The following CSMD1 variants were observed in gnomAD, a reference collection of about 807,000 sequenced individuals.
The protein encoded by CSMD1 is CUB and sushi domain-containing protein 1.
Under a neutral mutation model 417.5 loss-of-function variants are expected in CSMD1, and 213 were observed. The ratio of observed to expected loss-of-function variants is 0.51; its 90% confidence interval spans 0.46 to 0.57. The LOEUF (loss-of-function observed/expected upper bound fraction) is 0.57. CSMD1 is among the 20% of genes least tolerant of loss of function. The pLI is 0.00. For missense variants in CSMD1, 6,923 were observed against 4,529.7 expected (o/e 1.53, Z -15.17); for synonymous variants, 2,862 against 1,736.8 (o/e 1.65, Z -16.11).
At chr8:4,049,162 T>G (rs1475380107) in intron 3 of CSMD1, among the ~76,000 whole-genome samples, 2 of 152,148 alleles carry the variant, frequency 1.3e-5, no homozygotes, top group Non-Finnish European at 2.9e-5. Context: ...GAACTTTAAT[T>G]GTAACATCAA....
At chr8:3,897,020 G>A (rs901792619) in intron 5 of CSMD1, among the ~76,000 whole-genome samples, 7 of 151,320 alleles carry the variant, frequency 4.6e-5, no homozygotes, top group African/African-American at 1.5e-4. Flanking sequence ...CAACTTACTT[G>A]CTCCCTGGAT....
At chr8:3,619,669 C>T (rs935384114) in intron 7 of CSMD1, among the ~76,000 whole-genome samples, 1 of 151,550 alleles carries the variant, frequency 6.6e-6, no homozygotes, top group Admixed American at 6.6e-5. Context: ...CTGTTAGGAG[C>T]CAAAGAAAAA....
chr8:2,958,393 A>G (rs1252450554), intron 62 of CSMD1, among the ~76,000 whole-genome samples: 1 of 152,230 alleles, frequency 6.6e-6, no homozygotes, highest in Non-Finnish European at 1.5e-5. Context: ...TGATCCTCCA[A>G]GAATGAATCA....
chr8:4,151,791 T>C (rs1448864574), intron 3 of CSMD1, among the ~76,000 whole-genome samples: 1 of 152,296 alleles, frequency 6.6e-6, no homozygotes, highest in Non-Finnish European at 1.5e-5. Flanking sequence ...AATGCTTATT[T>C]TATATGAAAA....
intron 1 of CSMD1, among the ~76,000 whole-genome samples, chr8:4,801,734 T>C (rs1047472637): frequency 1.3e-5 from 2 of 150,632 alleles, no homozygotes; most frequent in African/African-American, 2.4e-5. Flanking sequence ...ACATTAATAA[T>C]AGGAAAAACA....
At chr8:2,944,862 A>G (rs1417435204) in intron 68 of CSMD1, among the ~76,000 whole-genome samples, 1 of 152,148 alleles carries the variant, frequency 6.6e-6, no homozygotes, top group African/African-American at 2.4e-5. Flanking sequence ...TTTAATCTGA[A>G]AACAAAGCTA....
chr8:4,249,732 C>G (rs1250698116), intron 3 of CSMD1, among the ~76,000 whole-genome samples: 2 of 152,094 alleles, frequency 1.3e-5, no homozygotes, highest in African/African-American at 4.8e-5. Context: ...AGAAGTAGCT[C>G]AGTACTGGAG....
At chr8:3,752,205 C>CGGCCT (rs1797376841) in intron 6 of CSMD1, among the ~76,000 whole-genome samples, 1 of 152,030 alleles carries the variant, frequency 6.6e-6, no homozygotes, top group African/African-American at 2.4e-5. Context: ...AAAGGAGGAT[C>CGGCCT]GGCCTGGCCT....
chr8:3,096,463 T>C (rs1815304477), intron 47 of CSMD1, among the ~76,000 whole-genome samples: 1 of 152,162 alleles, frequency 6.6e-6, no homozygotes, highest in South Asian at 2.1e-4. Flanking sequence ...GTGCACCCAC[T>C]CTTTCTCTCT....
At chr8:4,723,693 G>A (rs1189251419) in intron 1 of CSMD1, among the ~76,000 whole-genome samples, 1 of 149,092 alleles carries the variant, frequency 6.7e-6, no homozygotes, top group Non-Finnish European at 1.5e-5. Context: ...TTGAATTTCT[G>A]ATGAAAATGT....
chr8:3,056,131 T>C (rs1812203456), intron 49 of CSMD1, among the ~76,000 whole-genome samples: 1 of 152,234 alleles, frequency 6.6e-6, no homozygotes, highest in Non-Finnish European at 1.5e-5. Context: ...TAACTCTCTG[T>C]TATCTACTTA....
At chr8:3,656,310 G>T (rs1245023243) in intron 7 of CSMD1, among the ~76,000 whole-genome samples, 1 of 152,284 alleles carries the variant, frequency 6.6e-6, no homozygotes, top group South Asian at 2.1e-4. Context: ...CAGAAGCTTA[G>T]GGCGAAAGGT....
At chr8:3,446,336 C>A (rs1265037680) in intron 12 of CSMD1, among the ~76,000 whole-genome samples, 1 of 152,216 alleles carries the variant, frequency 6.6e-6, no homozygotes, top group Non-Finnish European at 1.5e-5. Flanking sequence ...AGGCAAGTCA[C>A]AAATTTACAT....
chr8:3,863,613 G>T, intron 5 of CSMD1, among the ~76,000 whole-genome samples: 1 of 152,166 alleles, frequency 6.6e-6, no homozygotes, highest in South Asian at 2.1e-4. Flanking sequence ...GCAGTAGGAT[G>T]TATGTTTTGT....
chr8:4,728,406 G>C (rs920732543), intron 1 of CSMD1, among the ~76,000 whole-genome samples: 4 of 151,990 alleles, frequency 2.6e-5, no homozygotes, highest in African/African-American at 9.7e-5. Flanking sequence ...TTAGTTTGGA[G>C]ACTATAAATT....
chr8:3,357,004 G>C (rs1264686622), intron 21 of CSMD1, among the ~76,000 whole-genome samples: 1 of 152,126 alleles, frequency 6.6e-6, no homozygotes, highest in Non-Finnish European at 1.5e-5. Flanking sequence ...TGGGGAGCCA[G>C]GGAAAGCATC....
At chr8:4,299,914 C>G (rs1315636535) in intron 3 of CSMD1, among the ~76,000 whole-genome samples, 1 of 152,150 alleles carries the variant, frequency 6.6e-6, no homozygotes, top group African/African-American at 2.4e-5. Flanking sequence ...CAGGTATAAG[C>G]CACTGCGCCC....
chr8:4,029,434 G>A (rs142766214), intron 4 of CSMD1, among the ~76,000 whole-genome samples: 2 of 152,116 alleles, frequency 1.3e-5, no homozygotes, highest in East Asian at 1.9e-4. Context: ...CGTCTTATAT[G>A]GATAGCAGCA....
intron 3 of CSMD1, among the ~76,000 whole-genome samples, chr8:4,259,440 C>A (rs1803718975): frequency 6.6e-6 from 1 of 152,026 alleles, no homozygotes; most frequent in Non-Finnish European, 1.5e-5. Context: ...CCCATCCCAG[C>A]GCTATGAAAA....
Sources: allele counts gnomAD v4.1 joint callset (sites outside exome capture counted in the v4.1 genomes callset), GRCh38; gene constraint gnomAD v4.1.1; transcripts MANE v1.5; gene names NCBI Gene and HGNC (gene_info 2026-07-23, HGNC 2026-07-21).